The following DAB1 variants were observed in gnomAD, a reference collection of about 807,000 sequenced individuals.
DAB1 encodes DAB adaptor protein 1.
Under a neutral mutation model 64.6 loss-of-function variants are expected in DAB1, and 15 were observed. That is an observed-to-expected ratio of 0.23 (90% confidence interval 0.16 to 0.36). The LOEUF (loss-of-function observed/expected upper bound fraction) is 0.36, where lower values mean the gene tolerates loss of function less well. DAB1 is among the 10% of genes least tolerant of loss of function. The pLI, the probability that DAB1 is intolerant of heterozygous loss-of-function variation, is 1.00. For missense variants in DAB1, 596 were observed against 706.7 expected (o/e 0.84, Z 1.78); for synonymous variants, 235 against 251.9 (o/e 0.93, Z 0.64).
chr1:57,129,336 T>C (rs1657441020), intron 4 of DAB1, among the ~76,000 whole-genome samples: 1 of 152,144 alleles, frequency 6.6e-6, no homozygotes, highest in Non-Finnish European at 1.5e-5. Flanking sequence ...TTTTTTTTAT[T>C]GTGATAAATT....
chr1:58,399,972 A>G (rs1644555814), intron 3 of DAB1, among the ~76,000 whole-genome samples: 1 of 152,108 alleles, frequency 6.6e-6, no homozygotes, highest in South Asian at 2.1e-4. Flanking sequence ...TGTAACGAAA[A>G]CCAGCTCAAG....
intron 1 of DAB1, among the ~76,000 whole-genome samples, chr1:57,383,426 C>A (rs1681544822): frequency 6.6e-6 from 1 of 152,130 alleles, no homozygotes; most frequent in Non-Finnish European, 1.5e-5. Context: ...GCAGGATGAT[C>A]TGGAGCTGTC....
At chr1:58,082,969 T>C (rs933827152) in intron 5 of DAB1, among the ~76,000 whole-genome samples, 5 of 152,200 alleles carry the variant, frequency 3.3e-5, no homozygotes, top group Non-Finnish European at 5.9e-5. Flanking sequence ...TCAAGTGGCT[T>C]GGAGGAGAAA....
At chr1:57,228,270 C>T (rs1425792135) in intron 2 of DAB1, among the ~76,000 whole-genome samples, 1 of 152,156 alleles carries the variant, frequency 6.6e-6, no homozygotes, top group Non-Finnish European at 1.5e-5. Context: ...CACACCCACA[C>T]ACGTTAGAAT....
At chr1:57,154,721 T>C (rs1476855328) in intron 2 of DAB1, among the ~76,000 whole-genome samples, 3 of 152,242 alleles carry the variant, frequency 2.0e-5, no homozygotes, top group Admixed American at 6.5e-5. Flanking sequence ...ACCTGTCTTT[T>C]GGATAGAAGC....
At chr1:57,575,313 A>G (rs1645237687) in intron 7 of DAB1, among the ~76,000 whole-genome samples, 5 of 152,270 alleles carry the variant, frequency 3.3e-5, no homozygotes, top group Admixed American at 3.3e-4. Context: ...TAAATTGATC[A>G]TAAAAATTCT....
At chr1:57,284,704 T>C (rs1672176143) in intron 2 of DAB1, among the ~76,000 whole-genome samples, 1 of 152,284 alleles carries the variant, frequency 6.6e-6, no homozygotes, top group South Asian at 2.1e-4. Context: ...AGGATCCTGA[T>C]GACCTAATGA....
At chr1:57,133,304 G>A (rs917350039) in intron 4 of DAB1, among the ~76,000 whole-genome samples, 2 of 152,116 alleles carry the variant, frequency 1.3e-5, no homozygotes, top group Non-Finnish European at 2.9e-5. Flanking sequence ...ATAATTCTAT[G>A]GATTAACATG....
chr1:57,203,660 A>G (rs1665290108), intron 2 of DAB1, among the ~76,000 whole-genome samples: 1 of 152,110 alleles, frequency 6.6e-6, no homozygotes, highest in Admixed American at 6.5e-5. Context: ...TTCATGAGTG[A>G]TTTGTTGGTG....
At chr1:58,186,239 G>A (rs2100214658) in intron 4 of DAB1, among the ~76,000 whole-genome samples, 1 of 152,282 alleles carries the variant, frequency 6.6e-6, no homozygotes, top group South Asian at 2.1e-4. Context: ...TCAAGGGCAA[G>A]AGATTTTTCA....
At chr1:58,376,238 T>C (rs1344286001) in intron 3 of DAB1, among the ~76,000 whole-genome samples, 2 of 145,250 alleles carry the variant, frequency 1.4e-5, no homozygotes, top group Non-Finnish European at 3.1e-5. Context: ...ATGTGTTTGC[T>C]CTTGCTTTTC....
chr1:57,738,966 T>C (rs552929706), intron 6 of DAB1, among the ~76,000 whole-genome samples: 4 of 152,290 alleles, frequency 2.6e-5, no homozygotes, highest in African/African-American at 9.6e-5. Context: ...CACAGGTAAA[T>C]GGTAGAGGCA....
At position 58,331,765 on chromosome 1, in the gene DAB1, C is replaced by T. The variant is rs532532498; in HGVS notation, n.309+11587G>A. Among the ~76,000 whole-genome samples the T allele has an allele frequency of 2.3e-4, 35 of 152,316 alleles. 1 individual carries two copies. The highest frequency in any genetic ancestry group is 6.8e-3 in the Middle Eastern group (2 of 294). ...TTTTTAGAGACAATGCTATTGCACA[C>T]TTAACAGACTACAGTATAGTGTAAA... On this transcript the variant is annotated intron_variant and non_coding_transcript_variant, in intron 4 of 20. Coordinates refer to the DAB1 transcript ENST00000485760.
intron 1 of DAB1, among the ~76,000 whole-genome samples, chr1:57,378,937 T>C (rs1681133764): frequency 6.6e-6 from 1 of 152,202 alleles, no homozygotes; most frequent in African/African-American, 2.4e-5. Context: ...TCTTCTAAAG[T>C]AAATTAATTG....
At chr1:58,247,499 T>G in intron 4 of DAB1, among the ~76,000 whole-genome samples, 1 of 152,092 alleles carries the variant, frequency 6.6e-6, no homozygotes, top group Non-Finnish European at 1.5e-5. Flanking sequence ...CACCAACAAC[T>G]GGAGTCTCCA....
intron 5 of DAB1, among the ~76,000 whole-genome samples, chr1:58,002,476 C>T (rs1391367299): frequency 2.0e-5 from 3 of 152,206 alleles, no homozygotes; most frequent in South Asian, 4.1e-4. Context: ...GCCTTACAAT[C>T]CACATTCTTT....
chr1:58,412,801 G>C (rs1644684055), intron 3 of DAB1, among the ~76,000 whole-genome samples: 1 of 152,190 alleles, frequency 6.6e-6, no homozygotes. Context: ...TTCTTAATGA[G>C]CATCCTTGGA....
At chr1:57,563,599 T>C (rs918785317) in intron 7 of DAB1, among the ~76,000 whole-genome samples, 2 of 152,156 alleles carry the variant, frequency 1.3e-5, no homozygotes, top group African/African-American at 4.8e-5. Context: ...CCTAATACTG[T>C]GCTTTTCCAA....
At chr1:57,685,517 C>T (rs777919559) in intron 6 of DAB1, among the ~76,000 whole-genome samples, 4 of 152,038 alleles carry the variant, frequency 2.6e-5, no homozygotes, top group African/African-American at 7.2e-5. Context: ...AGGAAACTAG[C>T]GAAGAAATTC....
Sources: allele counts gnomAD v4.1 joint callset (sites outside exome capture counted in the v4.1 genomes callset), GRCh38; gene constraint gnomAD v4.1.1; transcripts MANE v1.5; gene names NCBI Gene and HGNC (gene_info 2026-07-23, HGNC 2026-07-21).